Variants in RBM14 observed in about 807,000 individuals in gnomAD.
The protein encoded by RBM14 is RNA-binding protein 14.
A neutral mutation model predicts 52.8 loss-of-function variants in RBM14; 5 were observed. That is an observed-to-expected ratio of 0.09 (90% confidence interval 0.05 to 0.20). The LOEUF (loss-of-function observed/expected upper bound fraction) is 0.20, where lower values mean the gene tolerates loss of function less well. Among genes scored for constraint, RBM14 ranks in the 10% least tolerant of loss-of-function variants. The pLI is 1.00. For missense variants in RBM14, 780 were observed against 926.6 expected (o/e 0.84, Z 2.05); for synonymous variants, 411 against 401.8 (o/e 1.02, Z -0.28).
rs758529856 is a variant in RBM14, at chr11:66,624,363, G to C, written c.487G>C (p.Asp163His). 3 of 1,614,136 alleles carry C rather than the reference G, an allele frequency of 1.9e-6. No individual in the cohort carries two copies. The South Asian group carries it at 3.3e-5, about 18-fold the overall frequency. ...GCCTGGCCTGGCTGTCCAGTCTGGGGACAAGACCAAGAAACCAGGGGCTGG... is the reference window on the plus strand; with the variant it reads ...GCCTGGCCTGGCTGTCCAGTCTGGGCACAAGACCAAGAAACCAGGGGCTGG... ...KGPGLAVQSG[D>H]KTKKPGAGDT... Residue 163 changes from aspartate to histidine, a missense_variant, in exon 2 of 3, where the codon GAC (aspartate) becomes CAC (histidine). Around this residue, in one of 4 missense-constraint regions of RBM14, gnomAD observed 675 missense variants for 697.3 expected, o/e 0.97. Transcript: ENST00000310137. The surrounding 1 kb of genome is among the most constrained non-coding windows in gnomAD (Gnocchi z 4.7).
In RBM14 at chr11:66,625,126, A is replaced by G; in HGVS notation, c.1250A>G (p.Tyr417Cys). 6.2e-7 allele frequency: 1 copy of G among 1,613,262 alleles called. No homozygotes were observed. The highest frequency in any genetic ancestry group is 8.5e-7 in the Non-Finnish European group (1 of 1,179,986). ...SASYNAQSAP[Y>C]AAQQAASYSS... is the part of the protein sequence containing the mutation. ...TCTTACAATGCCCAGTCTGCCCCAT[A>G]TGCTGCACAGCAGGCTGCTTCCTAC... Residue 417 changes from tyrosine to cysteine, a missense_variant, in exon 2 of 3, where the codon TAT becomes TGT. Tyr to Cys is a radical substitution (Grantham distance 194). This residue lies in a region of RBM14 where 675 missense variants were observed against 697.3 expected (regional missense o/e 0.97). Transcript: ENST00000310137. The surrounding 1 kb of genome is among the most constrained non-coding windows in gnomAD (Gnocchi z 4.2).
chr11:66,622,646 T>C (rs1298895200), intron 1 of RBM14, among the ~76,000 whole-genome samples: 1 of 152,212 alleles, frequency 6.6e-6, no homozygotes, highest in East Asian at 1.9e-4. Context: ...TTCTACTTAT[T>C]GATTGCATTT....
At chr11:66,623,003 T>C (rs1859185331) in intron 1 of RBM14, among the ~76,000 whole-genome samples, 1 of 152,216 alleles carries the variant, frequency 6.6e-6, no homozygotes. Flanking sequence ...TTTCCATTCC[T>C]TCATTCCCTG....
intron 2 of RBM14, 73 bp from the exon 3 acceptor site, chr11:66,626,388 C>A: frequency 1.4e-6 from 2 of 1,412,148 alleles, no homozygotes; most frequent in Non-Finnish European, 9.9e-7. Context: ...TCCCCATTGG[C>A]ATCTCCCCAA....
rs144469801 is a variant in RBM14 at position 66,627,033 on chromosome 11, C to T, written c.*365C>T. The T allele has an allele frequency of 2.6e-3, 476 of 181,504 alleles. 2 individuals carry two copies. The highest frequency in any genetic ancestry group is 4.5e-3 in the East Asian group (29 of 6,436). The allele number at this position is 181,504 out of a possible 1,614,324, so 11.2% of individuals were successfully genotyped here. On this transcript the variant is annotated 3_prime_UTR_variant, in exon 3 of 3. Coordinates refer to ENST00000310137, the MANE Select transcript of RBM14 (RefSeq NM_006328.4). ...GGAAGCAACCTGCAGCTGAGGTCGC[C>T]GGCGCCTTTTTCTTTTTAGATGGGA...
At chr11:66,617,510 C>T (rs1225161967) in intron 1 of RBM14, 12 of 998,930 alleles carry the variant, frequency 1.2e-5, no homozygotes, top group Admixed American at 5.6e-5. Flanking sequence ...GCCCCAAGGC[C>T]GCCCTCCTGT....
At position 66,621,695 on chromosome 11, in the gene RBM14, G is replaced by A. The variant is rs1006964679; in HGVS notation, c.338-2519G>A. Among the ~76,000 whole-genome samples the A allele has an allele frequency of 3.6e-4, 55 of 152,186 alleles. 1 individual carries two copies. The highest frequency in any genetic ancestry group is 1.1e-3 in the African/African-American group (47 of 41,532). The stretch of plus-strand genomic sequence containing the variant: ...CCTGGTCTCATTGTGTTCTTTTATC[G>A]TCTGTGCCAGCTTCTAAGTTTGCAT... On this transcript the variant is annotated intron_variant, in intron 1 of 2. Transcript: ENST00000310137.
At chr11:66,617,310 G>T in intron 1 of RBM14, 1 of 1,331,054 alleles carries the variant, frequency 7.5e-7, no homozygotes, top group Non-Finnish European at 9.6e-7. Flanking sequence ...CGGGGCCGGG[G>T]ACGCGCCTGA....
At chr11:66,619,405 C>T (rs1468769624) in intron 1 of RBM14, 1 of 152,158 alleles carries the variant, frequency 6.6e-6, no homozygotes, top group Non-Finnish European at 1.5e-5. Flanking sequence ...CCACAGCTTC[C>T]TCCTATTGGG....
In RBM14 at chr11:66,627,052, G is replaced by A. The variant is rs1937852281; in HGVS notation, c.*384G>A. 5.6e-6 allele frequency: 1 copy of A among 179,504 alleles called. No homozygotes were observed. Among genetic ancestry groups the A allele is most frequent in the South Asian group, 1.3e-4 (1 of 7,832 alleles). 11.1% of individuals were successfully genotyped at this position (179,504 alleles called of 1,614,324 possible). On this transcript the variant is annotated 3_prime_UTR_variant, in exon 3 of 3. Coordinates refer to ENST00000310137, the MANE Select transcript of RBM14 (RefSeq NM_006328.4). ...GGTCGCCGGCGCCTTTTTCTTTTTA[G>A]ATGGGAAGGAGGCCAGGAAAGGGTC...
rs1858889440 is a variant in RBM14, at chr11:66,617,405, A to C, written c.337+348A>C. The C allele has an allele frequency of 2.7e-6, 3 of 1,117,976 alleles. No homozygotes were observed. In the South Asian group the frequency reaches 9.9e-5, roughly 37 times the overall value. The allele number at this position is 1,117,976 out of a possible 1,614,324, so 69.3% of individuals were successfully genotyped here. A position where few individuals can be genotyped will look rare whatever the true frequency, so the allele number is the denominator to read the frequency against. On this transcript the variant is annotated intron_variant, in intron 1 of 2. Transcript: ENST00000310137. ...CGGAAATTGGGAAGTGACGGGCACA[A>C]GCCGGATCATGAAGCGGGGAAGATT...
Position 66,624,638 on chromosome 11 carries a change from T to A in RBM14, c.762T>A (p.Ser254=). 1 of 1,613,100 alleles carries A rather than the reference T, an allele frequency of 6.2e-7. No individual in the cohort carries two copies. The highest frequency in any genetic ancestry group is 8.5e-7 in the Non-Finnish European group (1 of 1,179,972). The change falls in exon 2 of 3, where the codon TCT becomes TCA. Residue 254 remains serine (S), a synonymous_variant. Transcript: ENST00000310137. The surrounding 1 kb of genome is among the most constrained non-coding windows in gnomAD (Gnocchi z 4.7). ...SLGAAYRAQP[S]ASLGVGYRTQ... is the part of the protein sequence containing the mutation. ...GAGCTGCCTACAGGGCCCAGCCTTC[T>A]GCCTCTTTGGGTGTTGGCTATCGGA...
intron 1 of RBM14, chr11:66,617,398 G>A (rs1195195308): frequency 1.7e-6 from 2 of 1,143,300 alleles, no homozygotes; most frequent in Non-Finnish European, 2.2e-6. Context: ...GGGAAGTGAC[G>A]GGCACAAGCC....
chr11:66,617,318 TGA>T (rs1858884379), intron 1 of RBM14: 2 of 1,309,678 alleles, frequency 1.5e-6, no homozygotes, highest in Non-Finnish European at 1.9e-6. Context: ...GGGACGCGCC[TGA>T]GAGCCTTGCG....
Position 66,629,767 on chromosome 11 carries a change from T to C in RBM14, c.*3099T>C, listed in dbSNP as rs1256134322. Among the ~76,000 whole-genome samples the C allele has an allele frequency of 6.6e-6, 1 of 152,180 alleles. No individual in the cohort carries two copies. Among genetic ancestry groups the C allele is most frequent in the African/African-American group, 2.4e-5 (1 of 41,446 alleles). On this transcript the variant is annotated 3_prime_UTR_variant, in exon 3 of 3. Transcript: ENST00000310137. ...GGGTTTTATGTCTAGATTTAAATCA[T>C]GTATCTGTCTGTAGTGCTTCAAATG...
rs1937678784 is a variant in RBM14, at chr11:66,624,148, T to C, written c.338-66T>C. On this transcript the variant is annotated intron_variant, in intron 1 of 2. Transcript: ENST00000310137. The surrounding 1 kb of genome is among the most constrained non-coding windows in gnomAD (Gnocchi z 4.7). Reference sequence around the variant, plus strand: ...AGCTGGGTGCTGTTGTGTGTCCAATTTGGGACCCATCAGGTAGCATGCCCT... The same window carrying C: ...AGCTGGGTGCTGTTGTGTGTCCAATCTGGGACCCATCAGGTAGCATGCCCT... 2 of 1,540,576 alleles carry C rather than the reference T, an allele frequency of 1.3e-6. No individual in the cohort carries two copies. Among genetic ancestry groups the C allele is most frequent in the African/African-American group, 1.4e-5 (1 of 72,608 alleles).
intron 1 of RBM14, chr11:66,617,414 A>G (rs1234741659): frequency 1.8e-6 from 2 of 1,092,850 alleles, no homozygotes; most frequent in Non-Finnish European, 2.2e-6. Flanking sequence ...AAGCCGGATC[A>G]TGAAGCGGGG....
chr11:66,625,817 G>A lies in RBM14; in HGVS notation c.1802+139G>A, dbSNP rs571570655. On this transcript the variant is annotated intron_variant, in intron 2 of 2. Coordinates refer to ENST00000310137, the MANE Select transcript of RBM14 (RefSeq NM_006328.4). The surrounding 1 kb of genome is among the most constrained non-coding windows in gnomAD (Gnocchi z 4.2). ...TTTTTGTGGGATGTCCAGAGGCCGA[G>A]GGGAGCAGTGTCTATGAACTTTCCT... The A allele has an allele frequency of 4.3e-6, 3 of 689,896 alleles. No homozygotes were observed. In the South Asian group the frequency reaches 5.9e-5, roughly 14 times the overall value. The allele number at this position is 689,896 out of a possible 1,614,324, so 42.7% of individuals were successfully genotyped here.
Position 66,624,122 on chromosome 11 carries a change from C to T in RBM14, c.338-92C>T. On this transcript the variant is annotated intron_variant, in intron 1 of 2. Coordinates refer to ENST00000310137, the MANE Select transcript of RBM14 (RefSeq NM_006328.4). This position sits in a 1 kb window ranked among gnomAD's most constrained non-coding sequence, Gnocchi z 4.7. ...TGGAGGCCTTGGAGGTAGCTGGCAACAGCTGGGTGCTGTTGTGTGTCCAAT... is the reference window on the plus strand; with the variant it reads ...TGGAGGCCTTGGAGGTAGCTGGCAATAGCTGGGTGCTGTTGTGTGTCCAAT... The T allele has an allele frequency of 1.3e-6, 2 of 1,540,632 alleles. No homozygotes were observed. The highest frequency in any genetic ancestry group is 2.3e-5 in the East Asian group (1 of 44,180).
Sources: allele counts gnomAD v4.1 joint callset (sites outside exome capture counted in the v4.1 genomes callset), GRCh38; gene constraint gnomAD v4.1.1; regional missense constraint gnomAD v4.1.1; non-coding constraint Gnocchi (gnomAD v3.1); transcripts MANE v1.5; gene names NCBI Gene and HGNC (gene_info 2026-07-23, HGNC 2026-07-21).